Variants in SORCS3 observed in about 807,000 individuals in gnomAD.
SORCS3 encodes the protein sortilin related VPS10 domain containing receptor 3, also known as VPS10 domain-containing receptor SorCS3.
A neutral mutation model predicts 146.3 loss-of-function variants in SORCS3; 57 were observed. The observed-to-expected ratio is 0.39, with a 90% CI of 0.31 to 0.49. The LOEUF is 0.49. SORCS3 is among the 20% of genes least tolerant of loss of function. SORCS3 has a pLI of 0.92. For synonymous variants in SORCS3, 653 were observed against 618.5 expected (o/e 1.06, Z -0.83); for missense variants, 1,341 against 1,575.5 (o/e 0.85, Z 2.52).
intron 2 of SORCS3, among the ~76,000 whole-genome samples, chr10:104,882,734 G>A (rs922479135): frequency 6.6e-6 from 1 of 152,158 alleles, no homozygotes; most frequent in Non-Finnish European, 1.5e-5. Flanking sequence ...ATACAGCCCA[G>A]TCCTCTTGCT....
intron 1 of SORCS3, among the ~76,000 whole-genome samples, chr10:104,692,695 C>T (rs2016128062): frequency 1.3e-5 from 2 of 152,094 alleles, no homozygotes; most frequent in Non-Finnish European, 2.9e-5. Context: ...ATTTGTTGAC[C>T]ATTGAGTAAA....
chr10:104,903,750 T>G (rs538902282), intron 2 of SORCS3, among the ~76,000 whole-genome samples: 2 of 152,280 alleles, frequency 1.3e-5, no homozygotes, highest in East Asian at 3.9e-4. Flanking sequence ...TAAACTCTTA[T>G]TTTCTTATGA....
intron 11 of SORCS3, among the ~76,000 whole-genome samples, chr10:105,161,926 A>G (rs1220271688): frequency 6.6e-6 from 1 of 151,612 alleles, no homozygotes; most frequent in Non-Finnish European, 1.5e-5. Flanking sequence ...AGCTAACCAG[A>G]CCCCCTGCCA....
intron 20 of SORCS3, among the ~76,000 whole-genome samples, chr10:105,226,154 G>T (rs1474470849): frequency 1.3e-5 from 2 of 151,818 alleles, no homozygotes. Context: ...TAAAGGAAAG[G>T]CTTTCAACTT....
chr10:105,004,801 G>A (rs922292995), intron 4 of SORCS3, among the ~76,000 whole-genome samples: 30 of 147,038 alleles, frequency 2.0e-4, no homozygotes, highest in African/African-American at 5.8e-4. Context: ...AGGTAATAGA[G>A]TGAGGTGGGG....
chr10:104,673,590 G>C (rs1010872732), intron 1 of SORCS3, among the ~76,000 whole-genome samples: 2 of 151,696 alleles, frequency 1.3e-5, no homozygotes, highest in African/African-American at 4.8e-5. Context: ...CAACCTCCTA[G>C]GTGCATGCCA....
intron 7 of SORCS3, among the ~76,000 whole-genome samples, chr10:105,111,736 T>C (rs918639910): frequency 6.6e-6 from 1 of 152,166 alleles, no homozygotes; most frequent in Admixed American, 6.5e-5. Flanking sequence ...TAATGTAATA[T>C]GATGAGAGCT....
At chr10:105,146,134 G>A (rs1414683375) in intron 8 of SORCS3, among the ~76,000 whole-genome samples, 1 of 151,890 alleles carries the variant, frequency 6.6e-6, no homozygotes, top group East Asian at 1.9e-4. Flanking sequence ...TTACTCTTTG[G>A]CATATACACC....
intron 16 of SORCS3, among the ~76,000 whole-genome samples, chr10:105,204,652 T>C (rs1181043849): frequency 6.6e-6 from 1 of 151,514 alleles, no homozygotes; most frequent in Non-Finnish European, 1.5e-5. Flanking sequence ...AGTAGAGAAG[T>C]AGACAAGGCC....
intron 7 of SORCS3, among the ~76,000 whole-genome samples, chr10:105,126,797 T>C (rs1300183943): frequency 2.0e-5 from 3 of 152,180 alleles, no homozygotes; most frequent in Non-Finnish European, 2.9e-5. Context: ...GTGGATTTTA[T>C]TGTAATTGTA....
chr10:104,675,762 C>T (rs1251290677), intron 1 of SORCS3, among the ~76,000 whole-genome samples: 1 of 152,174 alleles, frequency 6.6e-6, no homozygotes, highest in Non-Finnish European at 1.5e-5. Flanking sequence ...AATACTGTAG[C>T]TTTATAATCA....
chr10:105,147,709 CA>C lies in SORCS3; in HGVS notation c.1396del (p.Thr466ArgfsTer19), dbSNP rs776133745. Reference protein sequence around the residue: ...NDTYNLYISDTRGIYFTLAME... With the variant: ...NDTYNLYISDXRGIYFTLAME... The stretch of plus-strand genomic sequence containing the variant: ...ACACGTACAACCTCTACATCTCAGA[CA>C]CGCGTGGGATTTACTTCACTCTGGC... On this transcript the variant is annotated frameshift_variant, in exon 9 of 27. Coordinates refer to ENST00000369701, the MANE Select transcript of SORCS3 (RefSeq NM_014978.3). LOFTEE classifies it high-confidence loss of function. 1 of 1,613,126 alleles carries C rather than the reference CA, an allele frequency of 6.2e-7. No individual in the cohort carries two copies. Among genetic ancestry groups the C allele is most frequent in the Non-Finnish European group, 8.5e-7 (1 of 1,179,336 alleles).
intron 1 of SORCS3, among the ~76,000 whole-genome samples, chr10:104,762,300 T>C (rs930957790): frequency 6.6e-6 from 1 of 152,206 alleles, no homozygotes; most frequent in African/African-American, 2.4e-5. Flanking sequence ...TCCTGATTTG[T>C]AGCATTTACC....
chr10:105,093,785 G>A (rs1043779032), intron 6 of SORCS3, among the ~76,000 whole-genome samples: 8 of 152,106 alleles, frequency 5.3e-5, no homozygotes, highest in African/African-American at 1.9e-4. Context: ...CATTGCTGGT[G>A]GGGATGCAAA....
chr10:104,723,019 A>G (rs1199091463), intron 1 of SORCS3, among the ~76,000 whole-genome samples: 2 of 152,046 alleles, frequency 1.3e-5, no homozygotes, highest in East Asian at 3.9e-4. Context: ...GCCTTCTGCT[A>G]GCTTTTGAAT....
At chr10:105,136,687 T>A (rs1350058520) in intron 7 of SORCS3, among the ~76,000 whole-genome samples, 22 of 152,154 alleles carry the variant, frequency 1.4e-4, no homozygotes. Context: ...GGATTTACAC[T>A]GAGGTTTAAT....
intron 1 of SORCS3, among the ~76,000 whole-genome samples, chr10:104,808,024 A>T (rs1046721701): frequency 1.3e-5 from 2 of 152,090 alleles, no homozygotes; most frequent in African/African-American, 4.8e-5. Context: ...CACAGGGGAG[A>T]GCTGAGGGAA....
At chr10:104,864,197 A>G (rs1408977801) in intron 2 of SORCS3, among the ~76,000 whole-genome samples, 5 of 152,204 alleles carry the variant, frequency 3.3e-5, no homozygotes, top group Non-Finnish European at 5.9e-5. Context: ...TGGCTTTGCT[A>G]TCTTGCCCAG....
chr10:105,235,538 C>T (rs2056788622), intron 20 of SORCS3, among the ~76,000 whole-genome samples: 1 of 150,726 alleles, frequency 6.6e-6, no homozygotes, highest in Admixed American at 6.6e-5. Flanking sequence ...CTAGAGAAAG[C>T]TTTAACTTAA....
Sources: allele counts gnomAD v4.1 joint callset (sites outside exome capture counted in the v4.1 genomes callset), GRCh38; gene constraint gnomAD v4.1.1; transcripts MANE v1.5; gene names NCBI Gene and HGNC (gene_info 2026-07-23, HGNC 2026-07-21).